Variants in ROBO1 observed in about 807,000 individuals in gnomAD.
The protein encoded by ROBO1 is roundabout guidance receptor 1.
In ROBO1, 149 loss-of-function variants were observed where a neutral mutation model predicts 195.9. The ratio of observed to expected loss-of-function variants is 0.76; its 90% confidence interval spans 0.67 to 0.87. The LOEUF (loss-of-function observed/expected upper bound fraction) is 0.87. ROBO1 is among the 40% of genes least tolerant of loss of function. The pLI is 0.00. For synonymous variants in ROBO1, 816 were observed against 733.2 expected (o/e 1.11, Z -1.82); for missense variants, 1,933 against 2,068.3 (o/e 0.93, Z 1.27).
chr3:79,765,695 G>T (rs1704947941), intron 1 of ROBO1, among the ~76,000 whole-genome samples: 2 of 152,030 alleles, frequency 1.3e-5, no homozygotes, highest in Admixed American at 1.3e-4. Flanking sequence ...CCACAGTAAA[G>T]GAGGCACATG....
chr3:79,758,003 G>T (rs1001094143), intron 1 of ROBO1, among the ~76,000 whole-genome samples: 18 of 152,294 alleles, frequency 1.2e-4, no homozygotes, highest in African/African-American at 3.6e-4. Flanking sequence ...ATCTGTCTTT[G>T]CAGGACATGC....
At chr3:79,018,836 C>G in intron 3 of ROBO1, 1 of 1,008,516 alleles carries the variant, frequency 9.9e-7, no homozygotes. Context: ...GGCCGAGCGC[C>G]GCTGCGAGGG....
chr3:78,958,886 G>T (rs1015912448), intron 3 of ROBO1, among the ~76,000 whole-genome samples: 1 of 146,706 alleles, frequency 6.8e-6, no homozygotes, highest in Admixed American at 6.9e-5. Context: ...GTGCAGTGGC[G>T]TGATCTTGGC....
rs74731885 is a variant in ROBO1, at chr3:79,532,562, A to G, written c.88+57262T>C. 4.0e-3 allele frequency among the ~76,000 whole-genome samples: 602 copies of G among 152,318 alleles called. 24 individuals are homozygous for G. In the East Asian group the frequency reaches 0.082, roughly 21 times the overall value. On this transcript the variant is annotated intron_variant, in intron 2 of 30. Transcript: ENST00000464233. The stretch of plus-strand genomic sequence containing the variant: ...ATCTGAATCCAGAATTTCTCAAACT[A>G]TAGAACTGGTACAGAGGAAGAGCAA...
chr3:78,797,221 A>G (rs941501928), intron 4 of ROBO1, among the ~76,000 whole-genome samples: 5 of 152,304 alleles, frequency 3.3e-5, no homozygotes, highest in Admixed American at 2.6e-4. Flanking sequence ...AAAAGTTTTC[A>G]TAAGTTAGGG....
At chr3:79,599,638 A>T (rs1944281364) in intron 1 of ROBO1, among the ~76,000 whole-genome samples, 1 of 151,986 alleles carries the variant, frequency 6.6e-6, no homozygotes, top group South Asian at 2.1e-4. Flanking sequence ...ACAGCAGTAA[A>T]TGCAAAAAAG....
chr3:78,639,948 T>G, intron 21 of ROBO1, 50 bp from the exon 22 acceptor site: 14 of 1,304,580 alleles, frequency 1.1e-5, no homozygotes, highest in Non-Finnish European at 1.2e-5. Context: ...TAGAGAGTAA[T>G]ATTTTCTATT....
chr3:78,989,423 G>T (rs895910897), intron 3 of ROBO1, among the ~76,000 whole-genome samples: 1 of 152,130 alleles, frequency 6.6e-6, no homozygotes, highest in African/African-American at 2.4e-5. Flanking sequence ...AGACTAGCCT[G>T]GCCAACATGG....
intron 2 of ROBO1, among the ~76,000 whole-genome samples, chr3:79,307,708 A>C (rs2033287558): frequency 6.6e-6 from 1 of 152,150 alleles, no homozygotes; most frequent in African/African-American, 2.4e-5. Context: ...TAATATGTCA[A>C]GTAGATACCT....
intron 2 of ROBO1, among the ~76,000 whole-genome samples, chr3:79,339,185 G>A (rs1576995164): frequency 1.3e-5 from 2 of 152,138 alleles, no homozygotes; most frequent in Admixed American, 1.3e-4. Context: ...TGTCTCTTCT[G>A]CTTCCATCCT....
At chr3:79,711,176 A>C (rs888722195) in intron 1 of ROBO1, among the ~76,000 whole-genome samples, 14 of 152,266 alleles carry the variant, frequency 9.2e-5, no homozygotes, top group Admixed American at 7.9e-4. Context: ...TCTTGCACTT[A>C]GTTTGACCTC....
At chr3:79,081,573 C>T (rs2079275885) in intron 3 of ROBO1, among the ~76,000 whole-genome samples, 2 of 152,150 alleles carry the variant, frequency 1.3e-5, no homozygotes, top group South Asian at 2.1e-4. Context: ...TTTTGAGATT[C>T]TGTGAACTGT....
intron 2 of ROBO1, among the ~76,000 whole-genome samples, chr3:79,173,658 T>G (rs1225113422): frequency 6.6e-6 from 1 of 152,050 alleles, no homozygotes; most frequent in Non-Finnish European, 1.5e-5. Flanking sequence ...CACGGCCCCC[T>G]GCTCCACGGT....
chr3:78,916,894 T>C (rs185256232), intron 4 of ROBO1, among the ~76,000 whole-genome samples: 136 of 152,254 alleles, frequency 8.9e-4, no homozygotes, highest in Non-Finnish European at 2.5e-4. Flanking sequence ...CCATCTTCTT[T>C]GAACGAGTGA....
chr3:79,383,916 T>C (rs1341135012), intron 2 of ROBO1, among the ~76,000 whole-genome samples: 2 of 152,074 alleles, frequency 1.3e-5, no homozygotes, highest in Non-Finnish European at 2.9e-5. Flanking sequence ...CATCATATTA[T>C]ACACCAAACT....
intron 3 of ROBO1, among the ~76,000 whole-genome samples, chr3:78,952,016 T>C (rs993404052): frequency 6.6e-6 from 1 of 151,732 alleles, no homozygotes; most frequent in Admixed American, 6.6e-5. Context: ...GATTTTTTTC[T>C]ATCATGACAT....
intron 4 of ROBO1, among the ~76,000 whole-genome samples, chr3:78,765,438 CA>C (rs2083206710): frequency 6.6e-6 from 1 of 151,278 alleles, no homozygotes; most frequent in African/African-American, 2.4e-5. Flanking sequence ...TTTAATTCAA[CA>C]TATATAGCAA....
intron 1 of ROBO1, among the ~76,000 whole-genome samples, chr3:79,650,535 T>G (rs537907152): frequency 6.6e-6 from 1 of 151,900 alleles, no homozygotes; most frequent in African/African-American, 2.4e-5. Context: ...GTAAAATTCT[T>G]AGATATTTTT....
At chr3:79,167,561 T>C (rs950303314) in intron 2 of ROBO1, among the ~76,000 whole-genome samples, 4 of 152,220 alleles carry the variant, frequency 2.6e-5, no homozygotes, top group Non-Finnish European at 4.4e-5. Flanking sequence ...GAGGGCACTT[T>C]CCTTTTTATC....
Sources: allele counts gnomAD v4.1 joint callset (sites outside exome capture counted in the v4.1 genomes callset), GRCh38; gene constraint gnomAD v4.1.1; transcripts MANE v1.5; gene names NCBI Gene and HGNC (gene_info 2026-07-23, HGNC 2026-07-21).